SOCS7: variants seen among roughly 807,000 people sequenced by gnomAD.
SOCS7 encodes the protein suppressor of cytokine signaling 7, also known as NAP-4.
SOCS7 carries 18 observed loss-of-function variants against 58.9 expected under a neutral mutation model. The ratio of observed to expected loss-of-function variants is 0.31; its 90% CI spans 0.21 to 0.45. The LOEUF (loss-of-function observed/expected upper bound fraction) is 0.45. Ranked by LOEUF, SOCS7 falls within the 20% of genes least tolerant of loss-of-function variation. The pLI, the probability that SOCS7 is intolerant of heterozygous loss-of-function variation, is 1.00. For synonymous variants in SOCS7, 388 were observed against 364.3 expected (o/e 1.06, Z -0.74); for missense variants, 667 against 837.3 (o/e 0.80, Z 2.51).
chr17:38,375,701 A>T (rs1162607521), intron 6 of SOCS7: 1 of 152,064 alleles, frequency 6.6e-6, no homozygotes, highest in Non-Finnish European at 1.5e-5. Context: ...GATAGGGTTC[A>T]TGCTCCCCCC....
rs1265194297 is a variant in SOCS7 at position 38,404,381 on chromosome 17, C to G, written c.*4899C>G. 1 of 152,426 alleles carries G rather than the reference C, an allele frequency of 6.6e-6. No homozygotes were observed. Among genetic ancestry groups the G allele is most frequent in the Non-Finnish European group, 1.5e-5 (1 of 68,170 alleles). 9.4% of individuals were successfully genotyped at this position (152,426 alleles called of 1,614,324 possible). On this transcript the variant is annotated 3_prime_UTR_variant, in exon 10 of 10. Coordinates refer to ENST00000612932, the MANE Select transcript of SOCS7 (RefSeq NM_014598.4). ...TTCTTCCTGTTTCCCTTCCTGTCCT[C>G]TCCACACCTGCTATCCCGTCCCACT...
chr17:38,389,897 A>ACATATATATATATATATG (rs2038142060), intron 7 of SOCS7, among the ~76,000 whole-genome samples: 1 of 77,356 alleles, frequency 1.3e-5, no homozygotes, highest in Non-Finnish European at 2.2e-5. Context: ...ATATATATAT[A>ACATATATATATATATATG]TACACATATA....
chr17:38,374,198 C>A (rs1043442821), intron 6 of SOCS7, among the ~76,000 whole-genome samples: 1 of 151,752 alleles, frequency 6.6e-6, no homozygotes, highest in African/African-American at 2.4e-5. Context: ...CCAGCCTGGG[C>A]GACCGAGTGA....
rs778640611 is a variant in SOCS7 at position 38,365,347 on chromosome 17, C to G, written c.1190C>G (p.Ala397Gly). 1 of 1,612,926 alleles carries G rather than the reference C, an allele frequency of 6.2e-7. No individual in the cohort carries two copies. The highest frequency in any genetic ancestry group is 8.5e-7 in the Non-Finnish European group (1 of 1,179,454). Residue 397 changes from alanine (A) to glycine (G), a missense_variant, in exon 4 of 10, where the codon GCT (alanine) becomes GGT (glycine). Ala to Gly is a moderately conservative substitution (Grantham distance 60). This residue lies in a region of SOCS7 where 99 missense variants were observed against 122.9 expected (regional missense o/e 0.81). Coordinates refer to ENST00000612932, the MANE Select transcript of SOCS7 (RefSeq NM_014598.4). ...ACGCTGCCTACATCTGTCCTTGTGG[C>G]TCCGATGGGGTCTTCCTTGCAGTCT... ...SGTLPTSVLV[A>G]PMGSSLQSFP...
intron 5 of SOCS7, among the ~76,000 whole-genome samples, chr17:38,367,454 A>C (rs1555568544): frequency 6.6e-6 from 1 of 151,682 alleles, no homozygotes; most frequent in Non-Finnish European, 1.5e-5. Context: ...GCTCACTGCA[A>C]CCTCCACCTC....
At position 38,402,029 on chromosome 17, in the gene SOCS7, G is replaced by A. The variant is rs183782815; in HGVS notation, c.*2547G>A. 6.6e-6 allele frequency: 1 copy of A among 152,290 alleles called. No individual in the cohort carries two copies. 9.4% of individuals were successfully genotyped at this position (152,290 alleles called of 1,614,324 possible). ...CCCTGTGTTACTGGGGTTTCTTCTG[G>A]AGAACTCATACATTCAGGTACAAAA... is the stretch of plus-strand genomic sequence containing the variant. On this transcript the variant is annotated 3_prime_UTR_variant, in exon 10 of 10. Transcript: ENST00000612932.
At chr17:38,377,922 A>G in intron 7 of SOCS7, 80 bp downstream of exon 7, 1 of 1,410,932 alleles carries the variant, frequency 7.1e-7, no homozygotes, top group Non-Finnish European at 9.7e-7. Context: ...ATCCCCACAA[A>G]AGGCCATGGT....
intron 9 of SOCS7, among the ~76,000 whole-genome samples, chr17:38,397,190 T>TA (rs747109758): frequency 3.3e-5 from 5 of 152,186 alleles, no homozygotes; most frequent in Non-Finnish European, 5.9e-5. Flanking sequence ...ACGGAGGTTT[T>TA]AGGGAGGGAT....
At chr17:38,389,271 G>A (rs2038119597) in intron 7 of SOCS7, among the ~76,000 whole-genome samples, 1 of 152,178 alleles carries the variant, frequency 6.6e-6, no homozygotes. Context: ...TGAGTTATGA[G>A]TTCTTTACAG....
intron 2 of SOCS7, among the ~76,000 whole-genome samples, chr17:38,363,902 C>T (rs1038443803): frequency 1.3e-5 from 2 of 152,104 alleles, no homozygotes; most frequent in African/African-American, 4.8e-5. Context: ...GCCAAAATAA[C>T]CGTATTCCTG....
intron 7 of SOCS7, among the ~76,000 whole-genome samples, chr17:38,379,170 CAAAAAAAAACA>C (rs2037969228): frequency 9.0e-6 from 1 of 110,618 alleles, no homozygotes; most frequent in Non-Finnish European, 1.9e-5. Flanking sequence ...AAAAAAAAAA[CAAAAAAAAACA>C]AAAAAAAAAA....
At position 38,385,191 on chromosome 17, in the gene SOCS7, C is replaced by T. The variant is rs920206705; in HGVS notation, c.1681+7349C>T. Among the ~76,000 whole-genome samples, 3 of 152,070 alleles carry T rather than the reference C, an allele frequency of 2.0e-5. No individual in the cohort carries two copies. The South Asian group carries it at 6.2e-4, about 32-fold the overall frequency. ...GATTACAGGTGTGAGCCACCGTGCC[C>T]AGCAGCACTTCTTTTTTAATTTGTA... On this transcript the variant is annotated intron_variant, in intron 7 of 9. Transcript: ENST00000612932.
rs896497067 is a variant in SOCS7 at position 38,401,662 on chromosome 17, C to T, written c.*2180C>T. ...TATAGTAGATAAGATCAGGGTAGAC[C>T]AGATGGTCTGGGAAAGTTCTGTGCC... On this transcript the variant is annotated 3_prime_UTR_variant, in exon 10 of 10. Coordinates refer to ENST00000612932, the MANE Select transcript of SOCS7 (RefSeq NM_014598.4). 6.6e-6 allele frequency: 1 copy of T among 152,068 alleles called. No individual in the cohort carries two copies. Among genetic ancestry groups the T allele is most frequent in the Non-Finnish European group, 1.5e-5 (1 of 68,050 alleles). 9.4% of individuals were successfully genotyped at this position (152,068 alleles called of 1,614,324 possible). A position where few individuals can be genotyped will look rare whatever the true frequency, so the allele number is the denominator to read the frequency against.
At chr17:38,354,365 A>C (rs1213267981) in intron 1 of SOCS7, among the ~76,000 whole-genome samples, 1 of 152,214 alleles carries the variant, frequency 6.6e-6, no homozygotes, top group Non-Finnish European at 1.5e-5. Flanking sequence ...GAACTTTTTA[A>C]AAGCTCCCCA....
chr17:38,381,834 C>T (rs2038004029), intron 7 of SOCS7, among the ~76,000 whole-genome samples: 1 of 150,040 alleles, frequency 6.7e-6, no homozygotes, highest in African/African-American at 2.5e-5. Context: ...CATGGTGGTG[C>T]ACATCTGTAG....
chr17:38,365,690 G>T, intron 4 of SOCS7: 1 of 324,166 alleles, frequency 3.1e-6, no homozygotes, highest in Non-Finnish European at 5.5e-6. Flanking sequence ...TCCTTGAGTA[G>T]ATATCACTTA....
intron 7 of SOCS7, among the ~76,000 whole-genome samples, chr17:38,394,657 C>T (rs889449359): frequency 6.6e-6 from 1 of 152,174 alleles, no homozygotes; most frequent in Admixed American, 6.5e-5. Context: ...TTGGCCTTCC[C>T]GAGAGCCTCA....
At chr17:38,397,926 A>C (rs150945325) in intron 9 of SOCS7, among the ~76,000 whole-genome samples, 1 of 152,076 alleles carries the variant, frequency 6.6e-6, no homozygotes, top group South Asian at 2.1e-4. Context: ...CCGATACCCA[A>C]ATATCAAGGA....
intron 9 of SOCS7, among the ~76,000 whole-genome samples, chr17:38,398,241 CTT>C (rs990311481): frequency 3.0e-4 from 39 of 129,294 alleles, no homozygotes; most frequent in Admixed American, 3.9e-4. Context: ...AGGGAAAGGT[CTT>C]TTTTTTTTTT....
Sources: allele counts gnomAD v4.1 joint callset (sites outside exome capture counted in the v4.1 genomes callset), GRCh38; gene constraint gnomAD v4.1.1; regional missense constraint gnomAD v4.1.1; transcripts MANE v1.5; gene names NCBI Gene and HGNC (gene_info 2026-07-23, HGNC 2026-07-21).